The following PCYT1B variants were observed in gnomAD, a reference collection of about 807,000 sequenced individuals.
The protein encoded by PCYT1B is phosphate cytidylyltransferase 1B, choline.
Under a neutral mutation model 26.4 loss-of-function variants are expected in PCYT1B, and 10 were observed. That is an observed-to-expected ratio of 0.38 (90% CI 0.23 to 0.64). The LOEUF (loss-of-function observed/expected upper bound fraction) is 0.64. Ranked by LOEUF, PCYT1B falls within the 30% of genes least tolerant of loss-of-function variation. The pLI is 0.56. For synonymous variants in PCYT1B, 131 were observed against 108.4 expected, an observed-to-expected ratio of 1.21 and a Z score of -1.29; for missense variants, 161 against 292.7, an observed-to-expected ratio of 0.55 and a Z score of 3.28.
At chrX:24,564,261 G>A (rs746370860) in intron 7 of PCYT1B, among the ~76,000 whole-genome samples, 2 of 111,353 alleles carry the variant, frequency 1.8e-5, no homozygotes, top group African/African-American at 6.5e-5. Flanking sequence ...AAAAATGGCA[G>A]GATTCCTAGT....
intron 3 of PCYT1B, among the ~76,000 whole-genome samples, chrX:24,599,994 G>A (rs998039898): frequency 8.1e-5 from 9 of 110,721 alleles, no homozygotes; most frequent in African/African-American, 3.0e-4. Context: ...GGCAACCTCC[G>A]CTTCCTGGGT....
At chrX:24,598,771 A>T (rs1369770244) in intron 3 of PCYT1B, among the ~76,000 whole-genome samples, 1 of 111,844 alleles carries the variant, frequency 8.9e-6, no homozygotes, top group Non-Finnish European at 1.9e-5. Flanking sequence ...CTTGAAATAC[A>T]TTAATACATT....
intron 1 of PCYT1B, among the ~76,000 whole-genome samples, chrX:24,624,199 G>C (rs1229838051): frequency 3.6e-5 from 4 of 110,500 alleles, no homozygotes; most frequent in African/African-American, 1.3e-4. Flanking sequence ...TTGATCTCCT[G>C]ACCTCGTGAT....
chrX:24,631,765 A>G (rs1269075006), intron 1 of PCYT1B, among the ~76,000 whole-genome samples: 1 of 111,939 alleles, frequency 8.9e-6, no homozygotes, highest in Non-Finnish European at 1.9e-5. Flanking sequence ...CAGGAGTTTG[A>G]GGCCAGCCTG....
rs367614190 is a variant in PCYT1B, at chrX:24,579,186, C to CAA, written c.708+128_708+129dup. ...TACACAGTGAGACCCCATCTCTACACAAAAAAAAAAAAAAGAGAGAGAGAG... is the reference window on the plus strand; with the variant it reads ...TACACAGTGAGACCCCATCTCTACACAAAAAAAAAAAAAAAAGAGAGAGAGAG... On this transcript the variant is annotated intron_variant, in intron 6 of 7. Coordinates refer to ENST00000379144, the MANE Select transcript of PCYT1B (RefSeq NM_004845.5). The CAA allele has an allele frequency of 2.3e-3, 821 of 362,488 alleles. 2 individuals are homozygous for CAA. Among genetic ancestry groups the CAA allele is most frequent in the African/African-American group, 0.012 (316 of 26,859 alleles). The allele number at this position is 362,488 out of a possible 1,213,427, so 29.9% of individuals were successfully genotyped here.
At chrX:24,647,912 A>G (rs1926681103), upstream of PCYT1B, among the ~76,000 whole-genome samples, 1 of 111,893 alleles carries the variant, frequency 8.9e-6, no homozygotes, top group Non-Finnish European at 1.9e-5. Context: ...GATTGTCTTT[A>G]ACAGCCTGCC....
chrX:24,562,022 C>T lies in PCYT1B; in HGVS notation c.*271G>A. 1 of 1,105,823 alleles carries T rather than the reference C, an allele frequency of 9.0e-7. No homozygotes were observed. Among genetic ancestry groups the T allele is most frequent in the Non-Finnish European group, 1.2e-6 (1 of 801,341 alleles). 91.1% of individuals were successfully genotyped at this position (1,105,823 alleles called of 1,213,427 possible). On this transcript the variant is annotated 3_prime_UTR_variant, in exon 8 of 8. Transcript: ENST00000379144. ...TCAGTGCAAGTCTCTCTAGGGAACT[C>T]TGCATCCTTCCTTAGCAAGGTTAGA...
At chrX:24,581,844 T>G (rs956631958) in intron 5 of PCYT1B, among the ~76,000 whole-genome samples, 1 of 112,531 alleles carries the variant, frequency 8.9e-6, no homozygotes, top group Non-Finnish European at 1.9e-5. Context: ...GGTGTCTCTT[T>G]GGAGCTTTCT....
chrX:24,648,505 G>T (rs1365820848), upstream of PCYT1B, among the ~76,000 whole-genome samples: 1 of 96,124 alleles, frequency 1.0e-5, no homozygotes, highest in African/African-American at 4.1e-5. Context: ...GGGCGGGCGC[G>T]TAGGGACCAG....
chrX:24,669,217 ACT>A (rs753497628), intron 1 of PCYT1B, among the ~76,000 whole-genome samples: 40 of 111,966 alleles, frequency 3.6e-4, no homozygotes, highest in Non-Finnish European at 6.4e-4. Context: ...ACATATAACT[ACT>A]GAGCACTTAA....
At chrX:24,593,647 C>T (rs1226743077) in intron 3 of PCYT1B, among the ~76,000 whole-genome samples, 1 of 109,077 alleles carries the variant, frequency 9.2e-6, no homozygotes, top group East Asian at 2.8e-4. Context: ...CTGCCTCAGC[C>T]TCCCGAGTAG....
intron 1 of PCYT1B, among the ~76,000 whole-genome samples, chrX:24,652,437 T>C (rs1217166619): frequency 9.1e-6 from 1 of 109,737 alleles, no homozygotes; most frequent in Non-Finnish European, 1.9e-5. Flanking sequence ...TGGGCGCCTG[T>C]AATCCCATCT....
intron 2 of PCYT1B, among the ~76,000 whole-genome samples, chrX:24,615,891 T>C (rs774094138): frequency 8.9e-6 from 1 of 111,828 alleles, no homozygotes; most frequent in South Asian, 3.7e-4. Context: ...TGGACCATGA[T>C]TCATAAGGCA....
intron 1 of PCYT1B, among the ~76,000 whole-genome samples, chrX:24,661,460 CAGGCA>C (rs775407936): frequency 1.8e-5 from 2 of 112,130 alleles, no homozygotes; most frequent in East Asian, 5.6e-4. Context: ...GACAGAAAGA[CAGGCA>C]ATACCAAACA....
intron 7 of PCYT1B, among the ~76,000 whole-genome samples, chrX:24,573,585 G>A (rs1480233410): frequency 9.0e-6 from 1 of 110,880 alleles, no homozygotes; most frequent in Non-Finnish European, 1.9e-5. Context: ...ACCACTAGTT[G>A]TTTCTTTAGA....
At chrX:24,602,061 A>G (rs1924985595) in intron 3 of PCYT1B, among the ~76,000 whole-genome samples, 1 of 112,705 alleles carries the variant, frequency 8.9e-6, no homozygotes, top group Non-Finnish European at 1.9e-5. Context: ...GCTTATAGCA[A>G]CTTTATTCAT....
chrX:24,621,147 C>G (rs1925689835), intron 1 of PCYT1B, among the ~76,000 whole-genome samples: 5 of 111,847 alleles, frequency 4.5e-5, no homozygotes, highest in Admixed American at 9.6e-5. Context: ...CACCCTGGGG[C>G]CCAACAGATG....
chrX:24,655,209 C>T (rs1926880605), intron 1 of PCYT1B, among the ~76,000 whole-genome samples: 1 of 111,978 alleles, frequency 8.9e-6, no homozygotes, highest in Admixed American at 9.5e-5. Flanking sequence ...GTAGAAGTAT[C>T]ACTTGAATCC....
intron 3 of PCYT1B, among the ~76,000 whole-genome samples, chrX:24,603,508 C>T (rs1271326573): frequency 9.0e-5 from 10 of 111,493 alleles, no homozygotes; most frequent in Non-Finnish European, 1.3e-4. Flanking sequence ...CACTTGAGCC[C>T]GAGTTTGAGA....
Sources: gnomAD v4.1 joint callset for allele counts (sites outside exome capture counted in the v4.1 genomes callset) on GRCh38, gnomAD v4.1.1 for gene constraint, MANE v1.5 for transcripts, NCBI Gene and HGNC (gene_info 2026-07-23, HGNC 2026-07-21) for gene names.